PLXNA4: variants seen among roughly 807,000 people sequenced by gnomAD.
PLXNA4 encodes the protein plexin-A4.
PLXNA4 carries 44 observed loss-of-function variants against 191.8 expected under a neutral mutation model. The observed-to-expected ratio is 0.23, with a 90% confidence interval of 0.18 to 0.29. The LOEUF (loss-of-function observed/expected upper bound fraction) is 0.29. PLXNA4 is among the 10% of genes least tolerant of loss of function. PLXNA4 has a pLI of 1.00. For synonymous variants in PLXNA4, 1,082 were observed against 1,009.5 expected (o/e 1.07, Z -1.36); for missense variants, 1,800 against 2,488.8 (o/e 0.72, Z 5.89).
In PLXNA4 at chr7:132,596,448, G is replaced by A. The variant is rs923181874; in HGVS notation, c.-87+49480C>T. Among the ~76,000 whole-genome samples, 4 of 152,222 alleles carry A rather than the reference G, an allele frequency of 2.6e-5. No individual in the cohort carries two copies. The South Asian group carries it at 6.2e-4, about 24-fold the overall frequency. On this transcript the variant is annotated intron_variant, in intron 2 of 4. Coordinates refer to the PLXNA4 transcript ENST00000378539. ...CAGCCCCAGGACGCTGGAGAACAGT[G>A]CTGGCCCTTTCTGGACTCTGCTGCC... is the stretch of plus-strand genomic sequence containing the variant.
At chr7:132,531,060 CA>C (rs1275563448) in intron 1 of PLXNA4, among the ~76,000 whole-genome samples, 1 of 152,162 alleles carries the variant, frequency 6.6e-6, no homozygotes, top group Non-Finnish European at 1.5e-5. Context: ...AGCGGTTACC[CA>C]GAGCTGGGAG....
intron 2 of PLXNA4, among the ~76,000 whole-genome samples, chr7:132,618,975 G>A (rs910226369): frequency 2.0e-5 from 3 of 151,826 alleles, no homozygotes; most frequent in African/African-American, 7.3e-5. Flanking sequence ...TGCAAGAAGA[G>A]GACAGAAATT....
At chr7:132,203,524 G>T in intron 10 of PLXNA4, 105 bp from the exon 11 acceptor site, 1 of 900,652 alleles carries the variant, frequency 1.1e-6, no homozygotes, top group South Asian at 1.5e-5. Context: ...ACAGGCTAAA[G>T]ACTGGCCAAG....
intron 3 of PLXNA4, among the ~76,000 whole-genome samples, chr7:132,299,374 C>A (rs1341570042): frequency 6.6e-6 from 1 of 152,132 alleles, no homozygotes; most frequent in Non-Finnish European, 1.5e-5. Flanking sequence ...ATAAAAGAGT[C>A]ATTCTGAGGA....
chr7:132,474,874 A>T (rs1317457485), intron 3 of PLXNA4, among the ~76,000 whole-genome samples: 1 of 151,956 alleles, frequency 6.6e-6, no homozygotes, highest in Admixed American at 6.5e-5. Context: ...ATTTGTTTTA[A>T]TTTTTTCCTC....
chr7:132,370,732 C>A (rs1804403525), intron 3 of PLXNA4, among the ~76,000 whole-genome samples: 1 of 152,130 alleles, frequency 6.6e-6, no homozygotes, highest in African/African-American at 2.4e-5. Context: ...TATTATCCTG[C>A]ATTCTATTGA....
chr7:132,245,194 A>C (rs1431567374), intron 4 of PLXNA4, among the ~76,000 whole-genome samples: 1 of 152,180 alleles, frequency 6.6e-6, no homozygotes, highest in Non-Finnish European at 1.5e-5. Flanking sequence ...TGAAAAAAGA[A>C]AGTAAGAGGG....
intron 2 of PLXNA4, among the ~76,000 whole-genome samples, chr7:132,641,741 T>C (rs1000072713): frequency 1.3e-5 from 2 of 152,210 alleles, no homozygotes; most frequent in African/African-American, 4.8e-5. Flanking sequence ...TAGAGTGATA[T>C]TGTTTTTTAA....
chr7:132,513,332 T>A (rs1156786347), intron 1 of PLXNA4, among the ~76,000 whole-genome samples: 7 of 152,364 alleles, frequency 4.6e-5, no homozygotes, highest in African/African-American at 1.4e-4. Flanking sequence ...ATTACCTTGT[T>A]CTGAATTTCT....
chr7:132,262,317 A>G (rs1484780691), intron 4 of PLXNA4, among the ~76,000 whole-genome samples: 2 of 152,050 alleles, frequency 1.3e-5, no homozygotes, highest in Non-Finnish European at 2.9e-5. Context: ...CCCTGCTCCA[A>G]TATTCATCTC....
chr7:132,444,020 A>C (rs905803823), intron 3 of PLXNA4, among the ~76,000 whole-genome samples: 4 of 152,172 alleles, frequency 2.6e-5, no homozygotes, highest in African/African-American at 9.7e-5. Flanking sequence ...TTTCTCTGCA[A>C]ATGCCTGGCT....
At chr7:132,461,071 C>A (rs1490674008) in intron 3 of PLXNA4, among the ~76,000 whole-genome samples, 1 of 152,178 alleles carries the variant, frequency 6.6e-6, no homozygotes, top group African/African-American at 2.4e-5. Context: ...TTCAAGAGGA[C>A]TTTTTTCTGA....
chr7:132,570,351 T>C (rs1353906952), intron 1 of PLXNA4, among the ~76,000 whole-genome samples: 1 of 152,192 alleles, frequency 6.6e-6, no homozygotes, highest in African/African-American at 2.4e-5. Flanking sequence ...TGACGTCTGC[T>C]ACTGTCTCCT....
intron 28 of PLXNA4, among the ~76,000 whole-genome samples, chr7:132,145,818 C>T (rs1011250712): frequency 2.0e-5 from 3 of 151,612 alleles, no homozygotes; most frequent in African/African-American, 7.3e-5. Flanking sequence ...TGCCTGTAAT[C>T]CCAACTTCTG....
chr7:132,160,412 CT>C (rs1460460991), intron 24 of PLXNA4, among the ~76,000 whole-genome samples: 16 of 152,144 alleles, frequency 1.1e-4, no homozygotes, highest in Admixed American at 9.2e-4. Flanking sequence ...ACCAAATTAT[CT>C]TTTTATTTTT....
intron 2 of PLXNA4, among the ~76,000 whole-genome samples, chr7:132,615,565 C>A (rs1356376019): frequency 6.6e-6 from 1 of 152,200 alleles, no homozygotes; most frequent in Non-Finnish European, 1.5e-5. Context: ...ATCTGTCTGA[C>A]ACTTTTTCTC....
intron 4 of PLXNA4, among the ~76,000 whole-genome samples, chr7:132,247,953 T>G (rs73157217): frequency 6.6e-6 from 1 of 152,026 alleles, no homozygotes; most frequent in African/African-American, 2.4e-5. Flanking sequence ...GTATTATGAG[T>G]CCCAATTCTT....
chr7:132,231,774 AAAAG>A (rs970248127), intron 5 of PLXNA4, among the ~76,000 whole-genome samples: 5 of 152,202 alleles, frequency 3.3e-5, no homozygotes, highest in African/African-American at 1.2e-4. Flanking sequence ...AATCAAAGAC[AAAAG>A]AAAGGCACGG....
At chr7:132,130,839 T>G (rs1794905492) in intron 31 of PLXNA4, among the ~76,000 whole-genome samples, 1 of 152,142 alleles carries the variant, frequency 6.6e-6, no homozygotes, top group Non-Finnish European at 1.5e-5. Context: ...TGCATTCTAC[T>G]GGCTACAAAA....
Sources: gnomAD v4.1 joint callset for allele counts (sites outside exome capture counted in the v4.1 genomes callset) on GRCh38, gnomAD v4.1.1 for gene constraint, MANE v1.5 for transcripts, NCBI Gene and HGNC (gene_info 2026-07-23, HGNC 2026-07-21) for gene names.